CTNNA2: variants seen among roughly 807,000 people sequenced by gnomAD.
CTNNA2 encodes catenin alpha-2.
A neutral mutation model predicts 101.0 loss-of-function variants in CTNNA2; 42 were observed. The observed-to-expected ratio is 0.42, with a 90% CI of 0.32 to 0.54. The LOEUF (loss-of-function observed/expected upper bound fraction) is 0.54, where lower values mean the gene tolerates loss of function less well. Ranked by LOEUF, CTNNA2 falls within the 20% of genes least tolerant of loss-of-function variation. The pLI is 0.14. For synonymous variants in CTNNA2, 450 were observed against 456.4 expected (o/e 0.99, Z 0.18); for missense variants, 871 against 1,223.1 (o/e 0.71, Z 4.29).
intron 2 of CTNNA2, among the ~76,000 whole-genome samples, chr2:79,704,386 T>C (rs1031592822): frequency 6.6e-6 from 1 of 152,234 alleles, no homozygotes; most frequent in African/African-American, 2.4e-5. Context: ...GTGTGATCGA[T>C]GTTAAACTTT....
intron 7 of CTNNA2, among the ~76,000 whole-genome samples, chr2:80,027,011 C>G (rs572618498): frequency 6.6e-6 from 1 of 152,202 alleles, no homozygotes. Context: ...CTAGGGAGAG[C>G]TGGGAGTAGT....
intron 3 of CTNNA2, among the ~76,000 whole-genome samples, chr2:79,854,672 T>A (rs2103929085): frequency 6.6e-6 from 1 of 152,324 alleles, no homozygotes; most frequent in African/African-American, 2.4e-5. Context: ...TTGGTAATGT[T>A]AATTTTTCTT....
intron 4 of CTNNA2, among the ~76,000 whole-genome samples, chr2:79,410,954 A>G (rs1295681618): frequency 6.6e-6 from 1 of 152,116 alleles, no homozygotes; most frequent in Non-Finnish European, 1.5e-5. Flanking sequence ...TTAGTAAGCT[A>G]TTGATTATTG....
chr2:79,907,986 C>G (rs934324781), intron 6 of CTNNA2, among the ~76,000 whole-genome samples: 2 of 152,184 alleles, frequency 1.3e-5, no homozygotes, highest in African/African-American at 2.4e-5. Flanking sequence ...TAACAGGAAT[C>G]AGAGAATTGG....
intron 1 of CTNNA2, among the ~76,000 whole-genome samples, chr2:79,578,146 C>T (rs553691952): frequency 2.6e-5 from 4 of 152,186 alleles, no homozygotes; most frequent in African/African-American, 9.6e-5. Flanking sequence ...ATCTAACTGG[C>T]TCTGTAACTA....
chr2:80,026,952 C>T (rs984514548), intron 7 of CTNNA2, among the ~76,000 whole-genome samples: 3 of 152,328 alleles, frequency 2.0e-5, no homozygotes, highest in South Asian at 2.1e-4. Flanking sequence ...AGGTAGATTT[C>T]ATCCCTACTC....
chr2:80,435,094 C>G (rs562966232), intron 9 of CTNNA2, among the ~76,000 whole-genome samples: 10 of 152,316 alleles, frequency 6.6e-5, no homozygotes, highest in African/African-American at 2.4e-4. Flanking sequence ...CCTCTACCCA[C>G]TAGAAGCCAG....
chr2:80,024,604 A>T (rs1694818098), intron 7 of CTNNA2, among the ~76,000 whole-genome samples: 2 of 152,122 alleles, frequency 1.3e-5, no homozygotes, highest in Non-Finnish European at 2.9e-5. Context: ...GGGCAGATGA[A>T]CACTGGAACT....
intron 7 of CTNNA2, among the ~76,000 whole-genome samples, chr2:80,221,250 C>T (rs976082516): frequency 5.3e-5 from 8 of 152,192 alleles, no homozygotes; most frequent in African/African-American, 1.9e-4. Context: ...TCTGATAGCT[C>T]ATTAAGTGTA....
chr2:80,564,983 C>T (rs1331259138), intron 12 of CTNNA2, among the ~76,000 whole-genome samples: 1 of 152,078 alleles, frequency 6.6e-6, no homozygotes, highest in Non-Finnish European at 1.5e-5. Context: ...GCCTCTGCTA[C>T]ATTTTAAAAA....
In CTNNA2 at chr2:79,664,691, G is replaced by A. The variant is rs554361607; in HGVS notation, c.102+13033G>A. Among the ~76,000 whole-genome samples the A allele has an allele frequency of 8.9e-4, 131 of 147,106 alleles. 1 individual carries two copies. The highest frequency in any genetic ancestry group is 3.0e-3 in the South Asian group (14 of 4,616). ...ATATTGCTAATTTGTAAATTCTGGA[G>A]AATTCACATTCTTCTTTTTTTTTTT... On this transcript the variant is annotated intron_variant, in intron 2 of 18. Transcript: ENST00000402739.
chr2:79,836,755 T>C (rs1558566843), intron 3 of CTNNA2, among the ~76,000 whole-genome samples: 2 of 152,110 alleles, frequency 1.3e-5, no homozygotes, highest in African/African-American at 4.8e-5. Flanking sequence ...CTGTATCTGG[T>C]CTCTTCTTTT....
At chr2:79,915,068 G>A (rs978989674) in intron 7 of CTNNA2, among the ~76,000 whole-genome samples, 1 of 151,952 alleles carries the variant, frequency 6.6e-6, no homozygotes, top group Non-Finnish European at 1.5e-5. Flanking sequence ...CCTCCAGCAT[G>A]CTGTTCCACA....
chr2:79,951,293 T>C (rs941099398), intron 7 of CTNNA2, among the ~76,000 whole-genome samples: 6 of 152,158 alleles, frequency 3.9e-5, no homozygotes, highest in African/African-American at 1.4e-4. Flanking sequence ...CGCCCAAAGA[T>C]AAAGTGCTTC....
intron 4 of CTNNA2, among the ~76,000 whole-genome samples, chr2:79,385,363 C>T (rs1016103752): frequency 5.3e-5 from 8 of 152,070 alleles, no homozygotes; most frequent in Non-Finnish European, 8.8e-5. Flanking sequence ...TCACTTCTTC[C>T]GCCTATATTC....
intron 7 of CTNNA2, among the ~76,000 whole-genome samples, chr2:80,042,809 A>G (rs766761310): frequency 1.3e-5 from 2 of 152,136 alleles, no homozygotes; most frequent in Non-Finnish European, 2.9e-5. Flanking sequence ...TTGTTGACCT[A>G]ATTTCTCTGA....
intron 15 of CTNNA2, among the ~76,000 whole-genome samples, chr2:80,602,247 C>A (rs1171615035): frequency 6.6e-6 from 1 of 151,884 alleles, no homozygotes; most frequent in Non-Finnish European, 1.5e-5. Flanking sequence ...CCGGTGTAAT[C>A]AAAAAGACAT....
chr2:80,009,377 T>C (rs1693605786), intron 7 of CTNNA2, among the ~76,000 whole-genome samples: 1 of 152,150 alleles, frequency 6.6e-6, no homozygotes, highest in Non-Finnish European at 1.5e-5. Flanking sequence ...AATATATTTT[T>C]TACAGTTGGA....
chr2:79,689,943 G>GA (rs1364344752), intron 2 of CTNNA2, among the ~76,000 whole-genome samples: 9 of 151,852 alleles, frequency 5.9e-5, no homozygotes, highest in African/African-American at 2.2e-4. Flanking sequence ...TGAAAATCCA[G>GA]AAAAAATATA....
Sources: allele counts gnomAD v4.1 joint callset (sites outside exome capture counted in the v4.1 genomes callset), GRCh38; gene constraint gnomAD v4.1.1; transcripts MANE v1.5; gene names NCBI Gene and HGNC (gene_info 2026-07-23, HGNC 2026-07-21).